DPM1: variants seen among roughly 807,000 people sequenced by gnomAD.
DPM1 encodes the protein dolichyl-phosphate mannosyltransferase subunit 1, catalytic, also known as dolichol-phosphate mannosyltransferase subunit 1.
A neutral mutation model predicts 39.0 loss-of-function variants in DPM1; 27 were observed. That is an observed-to-expected ratio of 0.69 (90% CI 0.51 to 0.95). The LOEUF (loss-of-function observed/expected upper bound fraction) is 0.95, where lower values mean the gene tolerates loss of function less well. Among genes scored for constraint, DPM1 ranks in the 40% least tolerant of loss-of-function variants. DPM1 has a pLI of 0.00. For synonymous variants in DPM1, 124 were observed against 109.0 expected (o/e 1.14, Z -0.86); for missense variants, 307 against 315.6 (o/e 0.97, Z 0.21).
At chr20:50,940,404 G>A (rs1178369481) in intron 7 of DPM1, among the ~76,000 whole-genome samples, 1 of 151,972 alleles carries the variant, frequency 6.6e-6, no homozygotes, top group Non-Finnish European at 1.5e-5. Context: ...AAACAGACAC[G>A]CAAAACTCAG....
At chr20:50,956,080 T>G (rs1445774483) in intron 1 of DPM1, among the ~76,000 whole-genome samples, 1 of 152,208 alleles carries the variant, frequency 6.6e-6, no homozygotes, top group East Asian at 1.9e-4. Context: ...TGACATTATC[T>G]TAAACCACAA....
At chr20:50,950,155 T>C (rs1986502347) in intron 2 of DPM1, among the ~76,000 whole-genome samples, 1 of 152,210 alleles carries the variant, frequency 6.6e-6, no homozygotes, top group Non-Finnish European at 1.5e-5. Context: ...ACCATGAGAC[T>C]TACAAAACCC....
intron 2 of DPM1, among the ~76,000 whole-genome samples, chr20:50,951,510 C>T (rs764552358): frequency 9.2e-5 from 14 of 152,162 alleles, no homozygotes; most frequent in South Asian, 4.1e-4. Context: ...TTCATCAGGT[C>T]GGGCGTGGTG....
chr20:50,957,468 C>A (rs1986887337), intron 1 of DPM1, among the ~76,000 whole-genome samples: 1 of 152,168 alleles, frequency 6.6e-6, no homozygotes. Context: ...AGGAGCACCG[C>A]TATGTGTCAA....
chr20:50,941,082 A>AT (rs1384749295), intron 6 of DPM1, 149 bp from the exon 7 acceptor site: 1 of 930,758 alleles, frequency 1.1e-6, no homozygotes, highest in Non-Finnish European at 1.6e-6. Context: ...CAAAATAGAA[A>AT]TTTTTAGTCA....
At chr20:50,952,793 TTTA>T (rs1475786813) in intron 2 of DPM1, among the ~76,000 whole-genome samples, 2 of 152,246 alleles carry the variant, frequency 1.3e-5, no homozygotes, top group African/African-American at 4.8e-5. Context: ...CGTGTTACAT[TTTA>T]TTATCAGAGT....
intron 6 of DPM1, among the ~76,000 whole-genome samples, 162 bp downstream of exon 6, chr20:50,941,869 T>C (rs1261101157): frequency 6.6e-6 from 1 of 152,152 alleles, no homozygotes. Flanking sequence ...ACATCCAGGC[T>C]CTAATCACAG....
intron 7 of DPM1, among the ~76,000 whole-genome samples, chr20:50,939,485 C>T (rs1247199979): frequency 2.0e-5 from 3 of 151,912 alleles, no homozygotes; most frequent in Non-Finnish European, 4.4e-5. Context: ...AGGCCCACCA[C>T]CACACTTGGC....
rs146081986 is a variant in DPM1 at position 50,939,364 on chromosome 20, T to A, written c.563+1501A>T. Among the ~76,000 whole-genome samples, 401 of 151,560 alleles carry A rather than the reference T, an allele frequency of 2.6e-3. 2 individuals carry two copies. The highest frequency in any genetic ancestry group is 8.7e-3 in the African/African-American group (358 of 41,346). On this transcript the variant is annotated intron_variant, in intron 7 of 8. Coordinates refer to ENST00000371588, the MANE Select transcript of DPM1 (RefSeq NM_003859.3). ...CCACATGGCAATCAGAGATCTTTTT[T>A]GTTTTTTTTTGTTTTTTTTTAGACG...
In DPM1 at chr20:50,935,590, A is replaced by G. The variant is rs556825215; in HGVS notation, c.679-354T>C. Among the ~76,000 whole-genome samples, 19 of 152,326 alleles carry G rather than the reference A, an allele frequency of 1.2e-4. No individual in the cohort carries two copies. The East Asian group carries it at 3.5e-3, about 28-fold the overall frequency. ...TTTTTCACTTGTCAAATTTAGCTAC[A>G]ATGGTTTAGCATTAAGTAAAATAGC... On this transcript the variant is annotated intron_variant, in intron 8 of 8. Transcript: ENST00000371588.
At position 50,955,227 on chromosome 20, in the gene DPM1, C is replaced by T; in HGVS notation, c.220G>A (p.Val74Ile). 1 of 1,613,252 alleles carries T rather than the reference C, an allele frequency of 6.2e-7. No individual in the cohort carries two copies. Among genetic ancestry groups the T allele is most frequent in the Admixed American group, 1.7e-5 (1 of 60,012 alleles). ...TAGATCTTCTCCAACTGTTCAGCAA[C>T]ATCCCTTGTTCCATCTGGGCTTCCA... Reference protein sequence around the residue: ...DDGSPDGTRDVAEQLEKIYGS... With the variant: ...DDGSPDGTRDIAEQLEKIYGS... Residue 74 changes from valine (V) to isoleucine (I), a missense_variant, in exon 2 of 9, where the codon GTT becomes ATT. Around this residue, in one of 3 missense-constraint regions of DPM1, gnomAD observed 206 missense variants for 188.2 expected, o/e 1.09. Transcript: ENST00000371588.
chr20:50,935,169 A>G lies in DPM1; in HGVS notation c.746T>C (p.Phe249Ser). 6.2e-7 allele frequency: 1 copy of G among 1,607,424 alleles called. No individual in the cohort carries two copies. The highest frequency in any genetic ancestry group is 8.5e-7 in the Non-Finnish European group (1 of 1,174,348). ...SKLGGNEIVS[F>S]LKGLLTLFAT... ...AAAAAGAGTCAATAATCCTTTCAAG[A>G]AAGATACTATTTCATTTCCTCCCAA... is the stretch of plus-strand genomic sequence containing the variant. The change falls in exon 9 of 9, where the codon TTC (phenylalanine) becomes TCC (serine). Residue 249 changes from phenylalanine (F) to serine (S), a missense_variant. This residue lies in a region of DPM1 where 70 missense variants were observed against 69.4 expected (regional missense o/e 1.01). Coordinates refer to ENST00000371588, the MANE Select transcript of DPM1 (RefSeq NM_003859.3).
At chr20:50,956,329 C>T (rs1170022696) in intron 1 of DPM1, among the ~76,000 whole-genome samples, 1 of 152,016 alleles carries the variant, frequency 6.6e-6, no homozygotes, top group African/African-American at 2.4e-5. Context: ...AGAGGCTGGG[C>T]GCGGTGGCTC....
At chr20:50,953,399 A>G (rs569211404) in intron 2 of DPM1, among the ~76,000 whole-genome samples, 1 of 152,340 alleles carries the variant, frequency 6.6e-6, no homozygotes, top group South Asian at 2.1e-4. Context: ...TGTGGTGAAC[A>G]CTTTATCTGA....
chr20:50,958,227 G>T, intron 1 of DPM1, 136 bp downstream of exon 1: 1 of 1,113,314 alleles, frequency 9.0e-7, no homozygotes, highest in Non-Finnish European at 1.3e-6. Flanking sequence ...TCCCTCGCAG[G>T]GTGGCCCTCT....
intron 1 of DPM1, among the ~76,000 whole-genome samples, chr20:50,957,301 C>T (rs1986878039): frequency 6.6e-6 from 1 of 152,160 alleles, no homozygotes; most frequent in South Asian, 2.1e-4. Context: ...AATGGAGAGT[C>T]CAAACTTGTA....
chr20:50,954,575 A>G (rs1986735863), intron 2 of DPM1, among the ~76,000 whole-genome samples: 2 of 152,256 alleles, frequency 1.3e-5, no homozygotes, highest in Non-Finnish European at 2.9e-5. Context: ...TGAAGCCATT[A>G]TAAAATAAAC....
chr20:50,950,661 G>A (rs1284886730), intron 2 of DPM1, among the ~76,000 whole-genome samples: 5 of 152,154 alleles, frequency 3.3e-5, no homozygotes. Context: ...TTGAGGTCAG[G>A]AGTTAAGAGA....
intron 5 of DPM1, chr20:50,944,820 A>G (rs1194998740): frequency 6.6e-6 from 1 of 152,186 alleles, no homozygotes; most frequent in Admixed American, 6.5e-5. Flanking sequence ...ACATTTAACT[A>G]AATTCTTATC....
Sources: allele counts gnomAD v4.1 joint callset (sites outside exome capture counted in the v4.1 genomes callset), GRCh38; gene constraint gnomAD v4.1.1; regional missense constraint gnomAD v4.1.1; transcripts MANE v1.5; gene names NCBI Gene and HGNC (gene_info 2026-07-23, HGNC 2026-07-21).